The following NCOR2 variants were observed in gnomAD, a reference collection of about 807,000 sequenced individuals.
NCOR2 encodes CTG repeat protein 26.
A neutral mutation model predicts 262.9 loss-of-function variants in NCOR2; 81 were observed. The ratio of observed to expected loss-of-function variants is 0.31; its 90% CI spans 0.26 to 0.37. The LOEUF (loss-of-function observed/expected upper bound fraction) is 0.37, where lower values mean the gene tolerates loss of function less well. NCOR2 is among the 10% of genes least tolerant of loss of function. The probability of loss-of-function intolerance (pLI) is 1.00; values close to 1 mark genes in which losing one functional copy is unlikely to be tolerated. For missense variants in NCOR2, 3,385 were observed against 3,621.4 expected (o/e 0.93, Z 1.68); for synonymous variants, 1,659 against 1,559.3 (o/e 1.06, Z -1.51).
chr12:124,352,782 T>C (rs1270940089), intron 27 of NCOR2, among the ~76,000 whole-genome samples: 1 of 152,184 alleles, frequency 6.6e-6, no homozygotes, highest in Non-Finnish European at 1.5e-5. Context: ...CAAACTCCCA[T>C]TAACAGGGAA....
At chr12:124,362,376 C>T (rs1593219702) in intron 21 of NCOR2, 79 bp from the exon 24 acceptor site, 1 of 1,276,002 alleles carries the variant, frequency 7.8e-7, no homozygotes, top group South Asian at 2.3e-5. Context: ...TGCACGCGAC[C>T]AGCCTGGAAA....
In NCOR2 at chr12:124,359,312, A is replaced by G. The variant is rs539942942; in HGVS notation, c.3101-2530T>C. ...GTGTCATCTATCACGCCGCCTCCAGATGAACAAAGGAGGTTCTGAGGGCCC... is the reference window on the plus strand; with the variant it reads ...GTGTCATCTATCACGCCGCCTCCAGGTGAACAAAGGAGGTTCTGAGGGCCC... On this transcript the variant is annotated intron_variant, in intron 22 of 46. Coordinates refer to ENST00000405201, the Ensembl canonical transcript of NCOR2. 5.8e-4 allele frequency among the ~76,000 whole-genome samples: 88 copies of G among 152,346 alleles called. No homozygotes were observed. In the South Asian group the frequency reaches 7.0e-3, roughly 12 times the overall value.
intron 22 of NCOR2, 110 bp from the exon 25 acceptor site, chr12:124,356,892 G>C: frequency 7.7e-7 from 1 of 1,299,898 alleles, no homozygotes. Context: ...AGTAGTGGTG[G>C]CCTGTGACGG....
exon 38 of NCOR2, chr12:124,337,083 G>A (rs763020025): frequency 4.7e-6 from 7 of 1,497,454 alleles, no homozygotes; most frequent in Middle Eastern, 3.5e-4. Context: ...GGCTCCATGA[G>A]GGTAGGGTAG....
At chr12:124,445,657 C>T (rs1205959659) in intron 7 of NCOR2, among the ~76,000 whole-genome samples, 1 of 152,122 alleles carries the variant, frequency 6.6e-6, no homozygotes, top group Non-Finnish European at 1.5e-5. Context: ...CCCCACCTGA[C>T]CCCGGCTGGA....
Position 124,389,919 on chromosome 12 carries a change from A to T in NCOR2, c.1877-4032T>A, listed in dbSNP as rs548672631. On this transcript the variant is annotated intron_variant, in intron 16 of 46. Coordinates refer to ENST00000405201, the Ensembl canonical transcript of NCOR2. The surrounding 1 kb of genome is among the most constrained non-coding windows in gnomAD (Gnocchi z 4.4). ...AGAAGGTTGAAAGTTAACTGAGCTG[A>T]ACTTTGGATCCTAGATTCAGGTCAC... Among the ~76,000 whole-genome samples, 169 of 152,078 alleles carry T rather than the reference A, an allele frequency of 1.1e-3. No homozygotes were observed. In the Middle Eastern group the frequency reaches 0.02, roughly 18 times the overall value.
intron 44 of NCOR2, among the ~76,000 whole-genome samples, chr12:124,329,962 G>A (rs1019591427): frequency 3.3e-5 from 5 of 152,190 alleles, no homozygotes; most frequent in African/African-American, 9.7e-5. Context: ...TAGTCACTGG[G>A]CAGGTGGAGG....
intron 16 of NCOR2, among the ~76,000 whole-genome samples, chr12:124,388,392 G>A (rs1428472183): frequency 6.6e-6 from 1 of 152,106 alleles, no homozygotes; most frequent in African/African-American, 2.4e-5. Context: ...AGACCACCCC[G>A]CCAGACCCAG....
intron 16 of NCOR2, among the ~76,000 whole-genome samples, chr12:124,393,956 G>GC (rs1404018665): frequency 6.6e-6 from 1 of 152,236 alleles, no homozygotes; most frequent in Non-Finnish European, 1.5e-5. Flanking sequence ...CTGACTGGTG[G>GC]CCCCCAGCAC....
chr12:124,549,190 G>A lies in NCOR2; in HGVS notation c.-164-13579C>T, dbSNP rs999824619. On this transcript the variant is annotated intron_variant, in intron 1 of 32. Transcript: ENST00000458234. The surrounding 1 kb of genome is among the most constrained non-coding windows in gnomAD (Gnocchi z 4.4). ...TGCCTGGCAATGATGATGGTTGCTG[G>A]GTCACGAGATCACCGAGAGGATCAG... 6.6e-6 allele frequency among the ~76,000 whole-genome samples: 1 copy of A among 152,050 alleles called. No individual in the cohort carries two copies. Among genetic ancestry groups the A allele is most frequent in the African/African-American group, 2.4e-5 (1 of 41,404 alleles).
At chr12:124,488,694 C>T (rs140314532) in intron 1 of NCOR2, among the ~76,000 whole-genome samples, 180 of 152,338 alleles carry the variant, frequency 1.2e-3, no homozygotes, top group Non-Finnish European at 1.9e-3. Context: ...CCTTGCCACA[C>T]ACACAGAGGT....
At chr12:124,552,126 C>G (rs990214906) in intron 1 of NCOR2, among the ~76,000 whole-genome samples, 2 of 152,092 alleles carry the variant, frequency 1.3e-5, no homozygotes, top group Non-Finnish European at 2.9e-5. Flanking sequence ...TCAAGACCAG[C>G]CCGGGCAACA....
intron 15 of NCOR2, among the ~76,000 whole-genome samples, chr12:124,399,185 C>A (rs940214289): frequency 6.6e-6 from 1 of 152,114 alleles, no homozygotes; most frequent in African/African-American, 2.4e-5. Flanking sequence ...CAGAGCCACC[C>A]CAGCCTCCCC....
intron 1 of NCOR2, among the ~76,000 whole-genome samples, chr12:124,509,955 G>T (rs1331129244): frequency 6.6e-6 from 1 of 152,048 alleles, no homozygotes; most frequent in Non-Finnish European, 1.5e-5. Context: ...TCTGCTAGCC[G>T]CACCGCAGAA....
At chr12:124,414,375 G>A (rs2042749001) in intron 13 of NCOR2, among the ~76,000 whole-genome samples, 1 of 152,186 alleles carries the variant, frequency 6.6e-6, no homozygotes, top group South Asian at 2.1e-4. Context: ...ATGACTGTTG[G>A]CCGGCACCAT....
intron 1 of NCOR2, among the ~76,000 whole-genome samples, chr12:124,527,169 C>G (rs910271385): frequency 6.6e-6 from 1 of 152,172 alleles, no homozygotes; most frequent in Non-Finnish European, 1.5e-5. Flanking sequence ...AATCCCTGAA[C>G]AGGCCGTGCT....
chr12:124,428,601 A>G (rs1321514354), intron 10 of NCOR2, among the ~76,000 whole-genome samples: 3 of 152,184 alleles, frequency 2.0e-5, no homozygotes, highest in South Asian at 2.1e-4. Context: ...TCTGTTGTCC[A>G]ACAGAGCACT....
intron 1 of NCOR2, among the ~76,000 whole-genome samples, chr12:124,508,926 A>T (rs1178813895): frequency 6.6e-6 from 1 of 152,038 alleles, no homozygotes; most frequent in Non-Finnish European, 1.5e-5. Flanking sequence ...AACGGCTTGG[A>T]GGGGGGACCC....
In NCOR2 at chr12:124,460,808, C is replaced by G. The variant is rs1022948256; in HGVS notation, c.706-3646G>C. On this transcript the variant is annotated intron_variant, in intron 5 of 46. Transcript: ENST00000405201. ...TGAACCTCTCCCATCTAGAACATTC[C>G]CCAACCCCAATATTCCCGTGGCTGA... Among the ~76,000 whole-genome samples, 12 of 152,384 alleles carry G rather than the reference C, an allele frequency of 7.9e-5. No homozygotes were observed. In the East Asian group the frequency reaches 2.3e-3, roughly 29 times the overall value.
Sources: gnomAD v4.1 joint callset for allele counts (sites outside exome capture counted in the v4.1 genomes callset) on GRCh38, gnomAD v4.1.1 for gene constraint, Gnocchi (gnomAD v3.1) non-coding constraint, MANE v1.5 for transcripts, NCBI Gene and HGNC (gene_info 2026-07-23, HGNC 2026-07-21) for gene names.